MAFK: variants seen among roughly 807,000 people sequenced by gnomAD.
MAFK encodes transcription factor MafK.
MAFK carries 1 observed loss-of-function variant against 9.2 expected under a neutral mutation model. The observed-to-expected ratio is 0.11, with a 90% CI of 0.04 to 0.52. The LOEUF (loss-of-function observed/expected upper bound fraction) is 0.52, where lower values mean the gene tolerates loss of function less well. MAFK is among the 20% of genes least tolerant of loss of function. MAFK has a pLI of 0.94. For synonymous variants in MAFK, 110 were observed against 107.4 expected (o/e 1.02, Z -0.15); for missense variants, 207 against 236.0 (o/e 0.88, Z 0.81).
intron 1 of MAFK, among the ~76,000 whole-genome samples, chr7:1,531,628 G>A (rs1783908360): frequency 6.6e-6 from 1 of 152,172 alleles, no homozygotes; most frequent in African/African-American, 2.4e-5. Flanking sequence ...CGCTCCCACT[G>A]CGTGAGTTCT....
In MAFK at chr7:1,534,054, G is replaced by A; in HGVS notation, c.-45+3156G>A. The A allele has an allele frequency of 2.8e-6, 1 of 358,920 alleles. No homozygotes were observed. The highest frequency in any genetic ancestry group is 2.0e-5 in the South Asian group (1 of 50,632). 22.2% of individuals were successfully genotyped at this position (358,920 alleles called of 1,614,324 possible). On this transcript the variant is annotated intron_variant, in intron 1 of 2. Transcript: ENST00000343242. This position sits in a 1 kb window ranked among gnomAD's most constrained non-coding sequence, Gnocchi z 4.3. ...CAGCTTCCTCAGACTGCAAATGCAA[G>A]GTGACCAGACGTCCTCCAAGCCGGG...
Position 1,540,389 on chromosome 7 carries a change from C to A in MAFK, c.*14C>A, listed in dbSNP as rs374770359. The A allele has an allele frequency of 4.3e-6, 1 of 230,960 alleles. No individual in the cohort carries two copies. Among genetic ancestry groups the A allele is most frequent in the Non-Finnish European group, 6.2e-6 (1 of 160,648 alleles). 14.3% of individuals were successfully genotyped at this position (230,960 alleles called of 1,614,324 possible). On this transcript the variant is annotated 3_prime_UTR_variant, in exon 3 of 3. Coordinates refer to ENST00000343242, the MANE Select transcript of MAFK (RefSeq NM_002360.4). ...GCTGCATCCTAGTGCCGGCCGGGGG[C>A]GGGGGGTGGCGGGCGGCGGGCGGCG...
intron 1 of MAFK, among the ~76,000 whole-genome samples, chr7:1,536,012 C>T (rs754119537): frequency 5.9e-5 from 9 of 152,364 alleles, no homozygotes; most frequent in Middle Eastern, 3.4e-3. Flanking sequence ...TTCTGCGTCA[C>T]GTCGAGGTGT....
chr7:1,539,311 C>A, intron 2 of MAFK, 83 bp downstream of exon 2: 2 of 1,171,454 alleles, frequency 1.7e-6, no homozygotes, highest in Non-Finnish European at 2.5e-6. Context: ...TATCCCAGGG[C>A]CGTCCTGAGC....
intron 1 of MAFK, among the ~76,000 whole-genome samples, chr7:1,535,651 A>G (rs1357195123): frequency 6.6e-6 from 1 of 152,242 alleles, no homozygotes; most frequent in African/African-American, 2.4e-5. Flanking sequence ...CCTTGTCTCT[A>G]AAATGAAAAT....
In MAFK at chr7:1,539,247, A is replaced by G. The variant is rs375286488; in HGVS notation, c.36+19A>G. On this transcript the variant is annotated intron_variant, in intron 2 of 2. Transcript: ENST00000343242. ...ATTAAAGGTAAGGCTGGTTCCAAGC[A>G]GGCCCCGTCTCAAGCACAGGCGTGG... 18 of 1,604,112 alleles carry G rather than the reference A, an allele frequency of 1.1e-5. No homozygotes were observed. Among genetic ancestry groups the G allele is most frequent in the Non-Finnish European group, 1.4e-5 (17 of 1,174,008 alleles).
intron 1 of MAFK, chr7:1,538,444 C>G (rs1007268033): frequency 1.1e-6 from 1 of 943,952 alleles, no homozygotes; most frequent in African/African-American, 1.9e-5. Context: ...ACAGCCGCAG[C>G]GGCCAGGGCC....
Position 1,532,548 on chromosome 7 carries a change from C to T in MAFK, c.-45+1650C>T, listed in dbSNP as rs987758159. On this transcript the variant is annotated intron_variant, in intron 1 of 2. Transcript: ENST00000343242. This position sits in a 1 kb window ranked among gnomAD's most constrained non-coding sequence, Gnocchi z 4.5. Reference sequence around the variant, plus strand: ...AGGGCTTTGAGGGGCTGGTTGCCCGCAGCGTCGACTCCCCAGGTGCTGGTA... The same window carrying T: ...AGGGCTTTGAGGGGCTGGTTGCCCGTAGCGTCGACTCCCCAGGTGCTGGTA... Among the ~76,000 whole-genome samples, 11 of 152,322 alleles carry T rather than the reference C, an allele frequency of 7.2e-5. No individual in the cohort carries two copies. Among genetic ancestry groups the T allele is most frequent in the Middle Eastern group, 3.4e-3 (1 of 294 alleles).
At chr7:1,537,681 C>T (rs980907817) in intron 1 of MAFK, 21 of 985,444 alleles carry the variant, frequency 2.1e-5, no homozygotes, top group South Asian at 9.4e-5. Flanking sequence ...GGCAGCCTGG[C>T]GCAGGACCCT....
intron 1 of MAFK, chr7:1,537,578 C>A: frequency 1.0e-6 from 1 of 985,532 alleles, no homozygotes; most frequent in Non-Finnish European, 1.2e-6. Flanking sequence ...AGCCTGGAGC[C>A]CACCTGGCCG....
chr7:1,539,358 G>A (rs536106531), intron 2 of MAFK, 130 bp downstream of exon 2: 4 of 714,552 alleles, frequency 5.6e-6, no homozygotes, highest in African/African-American at 1.8e-5. Context: ...GGAGGAGGGG[G>A]GCTGCTGTGG....
At chr7:1,531,324 C>T (rs1186698286) in intron 1 of MAFK, among the ~76,000 whole-genome samples, 4 of 151,908 alleles carry the variant, frequency 2.6e-5, no homozygotes, top group Admixed American at 2.6e-4. Flanking sequence ...GTGGATTCTC[C>T]GCGGCTTCCG....
In MAFK at chr7:1,540,403, C is replaced by T. The variant is rs1406641464; in HGVS notation, c.*28C>T. ...CCGGCCGGGGGCGGGGGGTGGCGGGCGGCGGGCGGCGGGCAGGCGGGTGGG... is the reference window on the plus strand; with the variant it reads ...CCGGCCGGGGGCGGGGGGTGGCGGGTGGCGGGCGGCGGGCAGGCGGGTGGG... On this transcript the variant is annotated 3_prime_UTR_variant, in exon 3 of 3. Transcript: ENST00000343242. 1.3e-4 allele frequency: 21 copies of T among 159,380 alleles called. No individual in the cohort carries two copies. Among genetic ancestry groups the T allele is most frequent in the Non-Finnish European group, 1.9e-4 (16 of 82,708 alleles). 9.9% of individuals were successfully genotyped at this position (159,380 alleles called of 1,614,324 possible). A position where few individuals can be genotyped will look rare whatever the true frequency, so the allele number is the denominator to read the frequency against.
At chr7:1,538,198 T>C (rs910378294) in intron 1 of MAFK, 4 of 888,562 alleles carry the variant, frequency 4.5e-6, no homozygotes, top group Middle Eastern at 1.2e-3. Flanking sequence ...CGGGGATGCT[T>C]TGGCTGGGTT....
chr7:1,531,007 G>C (rs1783891417), intron 1 of MAFK, 109 bp downstream of exon 1: 1 of 146,572 alleles, frequency 6.8e-6, no homozygotes, highest in African/African-American at 2.5e-5. Context: ...GGCGCGGGCC[G>C]AGGGTGGCGG....
At chr7:1,533,123 C>G (rs1291163882) in intron 1 of MAFK, among the ~76,000 whole-genome samples, 1 of 152,218 alleles carries the variant, frequency 6.6e-6, no homozygotes, top group Non-Finnish European at 1.5e-5. Flanking sequence ...TGCCCCACCC[C>G]CCGACCAGCT....
chr7:1,541,222 C>G lies in MAFK; in HGVS notation c.*847C>G, dbSNP rs1562548748. The stretch of plus-strand genomic sequence containing the variant: ...TCCGGCCCCCCAGACACCGACCCCA[C>G]AGGCCGTCCCGGATCTCAGCGGACA... On this transcript the variant is annotated 3_prime_UTR_variant, in exon 3 of 3. Coordinates refer to ENST00000343242, the MANE Select transcript of MAFK (RefSeq NM_002360.4). 6.5e-6 allele frequency: 1 copy of G among 152,968 alleles called. No individual in the cohort carries two copies. The highest frequency in any genetic ancestry group is 6.5e-5 in the Admixed American group (1 of 15,278). 9.5% of individuals were successfully genotyped at this position (152,968 alleles called of 1,614,324 possible). A position where few individuals can be genotyped will look rare whatever the true frequency, so the allele number is the denominator to read the frequency against.
At chr7:1,537,754 G>A (rs1784069620) in intron 1 of MAFK, 10 of 952,718 alleles carry the variant, frequency 1.0e-5, no homozygotes, top group Admixed American at 6.2e-5. Context: ...GGCCCCCATC[G>A]GAGGCAGGGC....
In MAFK at chr7:1,533,417, G is replaced by T. The variant is rs1168371628; in HGVS notation, c.-45+2519G>T. Among the ~76,000 whole-genome samples, 3 of 152,332 alleles carry T rather than the reference G, an allele frequency of 2.0e-5. No individual in the cohort carries two copies. The East Asian group carries it at 5.8e-4, about 29-fold the overall frequency. Reference sequence around the variant, plus strand: ...CAGAAGGATCTAGAACCAGGCCTTGGTAGAGGGTGCTTGCCTACGCGAGGA... The same window carrying T: ...CAGAAGGATCTAGAACCAGGCCTTGTTAGAGGGTGCTTGCCTACGCGAGGA... On this transcript the variant is annotated intron_variant, in intron 1 of 2. Coordinates refer to ENST00000343242, the MANE Select transcript of MAFK (RefSeq NM_002360.4).
Sources: allele counts gnomAD v4.1 joint callset (sites outside exome capture counted in the v4.1 genomes callset), GRCh38; gene constraint gnomAD v4.1.1; non-coding constraint Gnocchi (gnomAD v3.1); transcripts MANE v1.5; gene names NCBI Gene and HGNC (gene_info 2026-07-23, HGNC 2026-07-21).